The following ZYG11A variants were observed in gnomAD, a reference collection of about 807,000 sequenced individuals.
The protein encoded by ZYG11A is protein zyg-11 homolog A.
In ZYG11A, 62 loss-of-function variants were observed where a neutral mutation model predicts 77.2. That is an observed-to-expected ratio of 0.80 (90% CI 0.65 to 0.99). ZYG11A has a LOEUF of 0.99. Among genes scored for constraint, ZYG11A ranks in the 50% least tolerant of loss-of-function variants. The probability of loss-of-function intolerance (pLI) is 0.00; values close to 1 mark genes in which losing one functional copy is unlikely to be tolerated. For missense variants in ZYG11A, 828 were observed against 896.8 expected, an observed-to-expected ratio of 0.92 and a Z score of 0.98; for synonymous variants, 315 against 324.6, an observed-to-expected ratio of 0.97 and a Z score of 0.32.
chr1:52,864,391 G>A (rs1056859417), intron 5 of ZYG11A, among the ~76,000 whole-genome samples: 15 of 152,116 alleles, frequency 9.9e-5, no homozygotes, highest in Admixed American at 2.0e-4. Flanking sequence ...GATTACAGGC[G>A]TGCACCACGA....
At chr1:52,880,980 G>A (rs955805339) in intron 10 of ZYG11A, among the ~76,000 whole-genome samples, 2 of 152,172 alleles carry the variant, frequency 1.3e-5, no homozygotes, top group South Asian at 2.1e-4. Flanking sequence ...GTGGTAATTT[G>A]TTACACAGCA....
rs1646365019 is a variant in ZYG11A, at chr1:52,881,674, A to G, written c.1944+9A>G. On this transcript the variant is annotated intron_variant, in intron 11 of 13. Coordinates refer to ENST00000371528, the MANE Select transcript of ZYG11A (RefSeq NM_001004339.3). Reference sequence around the variant, plus strand: ...CTCTTCTCCAAGATCTGGTACAGGAACCACATTCTTATTTATAAAATCCAG... The same window carrying G: ...CTCTTCTCCAAGATCTGGTACAGGAGCCACATTCTTATTTATAAAATCCAG... 2.6e-6 allele frequency: 4 copies of G among 1,531,322 alleles called. No individual in the cohort carries two copies. The Admixed American group carries it at 8.3e-5, about 32-fold the overall frequency. The allele number at this position is 1,531,322 out of a possible 1,614,324, so 94.9% of individuals were successfully genotyped here. A position where few individuals can be genotyped will look rare whatever the true frequency, so the allele number is the denominator to read the frequency against.
Position 52,877,079 on chromosome 1 carries a change from C to CT in ZYG11A, c.1543-597dup, listed in dbSNP as rs1646274191. The stretch of plus-strand genomic sequence containing the variant: ...CTGCTCAGTGGCTTAGAGCAGCAGA[C>CT]TTTTTTCCTGCCCCAAACTTTGCCT... On this transcript the variant is annotated intron_variant, in intron 8 of 13. Transcript: ENST00000371528. Among the ~76,000 whole-genome samples the CT allele has an allele frequency of 4.6e-5, 7 of 152,160 alleles. No individual in the cohort carries two copies. In the East Asian group the frequency reaches 1.2e-3, roughly 25 times the overall value.
At chr1:52,875,103 G>T (rs1571869680) in intron 8 of ZYG11A, among the ~76,000 whole-genome samples, 1 of 152,234 alleles carries the variant, frequency 6.6e-6, no homozygotes, top group Non-Finnish European at 1.5e-5. Context: ...AGGAAGCTGA[G>T]AGTGGGTGTT....
intron 11 of ZYG11A, 129 bp from the exon 12 acceptor site, chr1:52,885,704 C>G (rs1025625534): frequency 1.5e-5 from 10 of 653,124 alleles, no homozygotes; most frequent in African/African-American, 1.5e-4. Context: ...TGTATATAAT[C>G]GTTATGTGAT....
chr1:52,865,609 T>C (rs1646010449), intron 5 of ZYG11A, among the ~76,000 whole-genome samples: 1 of 152,098 alleles, frequency 6.6e-6, no homozygotes, highest in Non-Finnish European at 1.5e-5. Flanking sequence ...AATAAATCTA[T>C]TTAGGGAAAC....
Position 52,864,111 on chromosome 1 carries a change from C to T in ZYG11A, c.1280C>T (p.Thr427Ile), listed in dbSNP as rs1366690609. The T allele has an allele frequency of 7.1e-6, 11 of 1,551,956 alleles. No individual in the cohort carries two copies. Among genetic ancestry groups the T allele is most frequent in the Non-Finnish European group, 9.6e-6 (11 of 1,147,052 alleles). ...CCTGTTCGCCTGTTGTCAGAGGTCA[C>T]CTGTCTACTTTTCAAGGCTCTGAAA... ...GMPVRLLSEV[T>I]CLLFKALKNF... Residue 427 changes from threonine (T) to isoleucine (I), a missense_variant, in exon 5 of 14, where the codon ACC becomes ATC. Thr to Ile is a moderately conservative substitution (Grantham distance 89, BLOSUM62 -1). Coordinates refer to ENST00000371528, the MANE Select transcript of ZYG11A (RefSeq NM_001004339.3).
At chr1:52,880,821 A>T (rs1409467795) in intron 10 of ZYG11A, among the ~76,000 whole-genome samples, 6 of 152,080 alleles carry the variant, frequency 3.9e-5, no homozygotes, top group Admixed American at 3.3e-4. Flanking sequence ...CCCCCGGTGG[A>T]GCCTCCAGGT....
intron 8 of ZYG11A, among the ~76,000 whole-genome samples, chr1:52,868,322 A>T (rs115694022): frequency 0.017 from 2,558 of 152,228 alleles, 80 homozygotes; most frequent in African/African-American, 0.057. Context: ...GAGCAGTTTT[A>T]GGTGTTACTG....
At chr1:52,872,190 C>T (rs1646180360) in intron 8 of ZYG11A, among the ~76,000 whole-genome samples, 1 of 152,140 alleles carries the variant, frequency 6.6e-6, no homozygotes, top group African/African-American at 2.4e-5. Context: ...CAACCTCCAC[C>T]TCCTGAGTTC....
intron 1 of ZYG11A, among the ~76,000 whole-genome samples, chr1:52,845,220 T>A (rs1645539937): frequency 6.6e-6 from 1 of 152,092 alleles, no homozygotes; most frequent in South Asian, 2.1e-4. Context: ...CCAGTTTCCT[T>A]GTGTCTAGTG....
chr1:52,858,764 C>T (rs1645867175), intron 3 of ZYG11A, among the ~76,000 whole-genome samples: 1 of 151,724 alleles, frequency 6.6e-6, no homozygotes, highest in South Asian at 2.1e-4. Context: ...AGGTGTGCAC[C>T]ACCACACCTG....
chr1:52,880,254 G>A (rs566478129), intron 10 of ZYG11A, among the ~76,000 whole-genome samples: 7 of 151,884 alleles, frequency 4.6e-5, no homozygotes, highest in Non-Finnish European at 7.4e-5. Flanking sequence ...AACAGGCGTG[G>A]GGGGGACATC....
At chr1:52,871,589 C>T (rs1433937522) in intron 8 of ZYG11A, among the ~76,000 whole-genome samples, 1 of 151,548 alleles carries the variant, frequency 6.6e-6, no homozygotes. Context: ...CTCTGTCTCC[C>T]GGGTTCAAGC....
intron 8 of ZYG11A, among the ~76,000 whole-genome samples, chr1:52,868,052 C>T (rs1272538701): frequency 4.5e-5 from 4 of 88,176 alleles, no homozygotes; most frequent in Non-Finnish European, 9.4e-5. Flanking sequence ...CTGCAACCTC[C>T]GCCTCCTGGG....
intron 1 of ZYG11A, 26 bp downstream of exon 1, chr1:52,842,999 C>T (rs1306412823): frequency 5.4e-6 from 8 of 1,494,056 alleles, no homozygotes; most frequent in South Asian, 2.6e-5. Flanking sequence ...CGGGCGGCGA[C>T]GCGGACCTCG....
Position 52,857,007 on chromosome 1 carries a change from C to G in ZYG11A, c.266C>G (p.Thr89Ser). The G allele has an allele frequency of 6.5e-7, 1 of 1,536,348 alleles. No individual in the cohort carries two copies. The highest frequency in any genetic ancestry group is 8.8e-7 in the Non-Finnish European group (1 of 1,137,272). ...LRVMTWQGKL[T>S]DRTASIFRGN... ...TCTGGTTCTTTCATAGGCAAGCTGA[C>G]TGACAGAACAGCCAGCATTTTCCGA... is the stretch of plus-strand genomic sequence containing the variant. Residue 89 changes from threonine to serine, a missense_variant, in exon 3 of 14, where the codon ACT (threonine) becomes AGT (serine). By Grantham distance (58) the Thr-to-Ser change is moderately conservative (BLOSUM62 1). Transcript: ENST00000371528.
intron 4 of ZYG11A, among the ~76,000 whole-genome samples, chr1:52,863,142 A>G (rs535480167): frequency 1.3e-5 from 2 of 152,342 alleles, no homozygotes; most frequent in East Asian, 3.9e-4. Context: ...ATATACAAAA[A>G]AAAAGTCATT....
chr1:52,861,303 A>G (rs753437780), intron 4 of ZYG11A, among the ~76,000 whole-genome samples: 4 of 152,212 alleles, frequency 2.6e-5, no homozygotes, highest in Non-Finnish European at 5.9e-5. Flanking sequence ...AGGCTTGGGA[A>G]AGAAAACTTC....
Sources: gnomAD v4.1 joint callset for allele counts (sites outside exome capture counted in the v4.1 genomes callset) on GRCh38, gnomAD v4.1.1 for gene constraint, MANE v1.5 for transcripts, NCBI Gene and HGNC (gene_info 2026-07-23, HGNC 2026-07-21) for gene names.